Variants in TSPAN1 observed in about 807,000 individuals in gnomAD.
The protein encoded by TSPAN1 is tetraspanin-1.
In TSPAN1, 23 loss-of-function variants were observed where a neutral mutation model predicts 26.9. The observed-to-expected ratio is 0.85, with a 90% CI of 0.62 to 1.21. TSPAN1 has a LOEUF of 1.21. Among genes scored for constraint, TSPAN1 ranks in the 50% most tolerant of loss-of-function variants. TSPAN1 has a pLI of 0.00. For synonymous variants in TSPAN1, 115 were observed against 114.8 expected, an observed-to-expected ratio of 1.00 and a Z score of -0.01; for missense variants, 283 against 298.4, an observed-to-expected ratio of 0.95 and a Z score of 0.38.
chr1:46,176,333 G>A (rs1175928044), intron 1 of TSPAN1: 18 of 1,535,624 alleles, frequency 1.2e-5, no homozygotes, highest in East Asian at 2.4e-5. Flanking sequence ...GTTCGACCTC[G>A]GAGACCCTGT....
chr1:46,192,123 C>T, the TSPAN1 span: 3 of 1,614,148 alleles, frequency 1.9e-6, no homozygotes, highest in East Asian at 6.7e-5. Flanking sequence ...CATGTTGAGG[C>T]CGACGATGCC....
At chr1:46,190,479 A>C (rs1188550112), downstream of TSPAN1, 1 of 1,601,476 alleles carries the variant, frequency 6.2e-7, no homozygotes, top group Non-Finnish European at 8.6e-7. Context: ...ATACCTGAGC[A>C]GCCTGTGAAC....
intron 1 of TSPAN1, 62 bp downstream of exon 1, chr1:46,175,471 T>C: frequency 2.5e-6 from 1 of 397,378 alleles, no homozygotes; most frequent in East Asian, 3.6e-5. Context: ...AACACCTCTG[T>C]GTGGAATAAG....
At chr1:46,186,488 C>CT (rs751253861), downstream of TSPAN1, among the ~76,000 whole-genome samples, 2,852 of 130,058 alleles carry the variant, frequency 0.022, 75 homozygotes, top group African/African-American at 0.056. Context: ...CTTTTCTTTT[C>CT]TTTTTTTTTT....
chr1:46,179,143 C>G lies in TSPAN1; in HGVS notation c.-141-1383C>G, dbSNP rs181422572. Reference sequence around the variant, plus strand: ...TTCAAGACCAGCCTGGATAGCATAGCAAGACCTCATCTGTTTAAAAAAAAA... The same window carrying G: ...TTCAAGACCAGCCTGGATAGCATAGGAAGACCTCATCTGTTTAAAAAAAAA... On this transcript the variant is annotated intron_variant, in intron 1 of 8. Coordinates refer to ENST00000372003, the MANE Select transcript of TSPAN1 (RefSeq NM_005727.4). Among the ~76,000 whole-genome samples, 91 of 151,408 alleles carry G rather than the reference C, an allele frequency of 6.0e-4. 2 individuals carry two copies. In the East Asian group the frequency reaches 0.012, roughly 20 times the overall value.
chr1:46,179,888 G>T (rs190664503), intron 1 of TSPAN1, among the ~76,000 whole-genome samples: 1 of 152,144 alleles, frequency 6.6e-6, no homozygotes, highest in African/African-American at 2.4e-5. Flanking sequence ...TTTGCTACTC[G>T]CAGGAGAGAG....
chr1:46,179,001 C>T (rs1242946535), intron 1 of TSPAN1, among the ~76,000 whole-genome samples: 16 of 152,104 alleles, frequency 1.1e-4, no homozygotes, highest in Admixed American at 1.0e-3. Context: ...TCAGCTGCCT[C>T]CTTTCACTAT....
downstream of TSPAN1, among the ~76,000 whole-genome samples, chr1:46,186,723 G>A (rs1217924170): frequency 5.5e-5 from 8 of 144,206 alleles, no homozygotes; most frequent in African/African-American, 1.3e-4. Context: ...GTGCAGTGGC[G>A]CGATCTCGGC....
chr1:46,189,600 G>T (rs1413863946), downstream of TSPAN1: 1 of 1,591,578 alleles, frequency 6.3e-7, no homozygotes, highest in Non-Finnish European at 8.6e-7. Context: ...AGAGACATGG[G>T]TCAGAGAGCT....
In TSPAN1 at chr1:46,175,355, G is replaced by T; in HGVS notation, c.-196G>T. On this transcript the variant is annotated 5_prime_UTR_variant, in exon 1 of 9. Coordinates refer to ENST00000372003, the MANE Select transcript of TSPAN1 (RefSeq NM_005727.4). ...TGGTCTATGTTGCTGACCTTGTCCT[G>T]TCCTCCTGCTGTCTTAAACTATGAT... 2.7e-6 allele frequency: 1 copy of T among 374,978 alleles called. No homozygotes were observed. The highest frequency in any genetic ancestry group is 4.7e-6 in the Non-Finnish European group (1 of 211,708). 23.2% of individuals were successfully genotyped at this position (374,978 alleles called of 1,614,324 possible). A position where few individuals can be genotyped will look rare whatever the true frequency, so the allele number is the denominator to read the frequency against.
chr1:46,188,677 G>A, downstream of TSPAN1: 2 of 1,578,412 alleles, frequency 1.3e-6, no homozygotes, highest in Non-Finnish European at 1.7e-6. Context: ...ACAATCACAA[G>A]ACATCCCCAG....
At chr1:46,192,107 G>A in the TSPAN1 span, 6 of 1,613,784 alleles carry the variant, frequency 3.7e-6, no homozygotes, top group East Asian at 1.1e-4. Context: ...CGTGAAAGTA[G>A]CCATTCATGT....
At position 46,185,596 on chromosome 1, in the gene TSPAN1, G is replaced by A. The variant is rs1456976655; in HGVS notation, c.*63G>A. The A allele has an allele frequency of 2.9e-5, 45 of 1,573,546 alleles. No individual in the cohort carries two copies. Among genetic ancestry groups the A allele is most frequent in the Non-Finnish European group, 3.8e-5 (44 of 1,145,360 alleles). On this transcript the variant is annotated 3_prime_UTR_variant, in exon 9 of 9. Coordinates refer to ENST00000372003, the MANE Select transcript of TSPAN1 (RefSeq NM_005727.4). The stretch of plus-strand genomic sequence containing the variant: ...GAACTGTGAAGAGGCACCCTGGCAA[G>A]CAGCAGTGATTGGGGGAGGGGACAG...
At chr1:46,184,742 C>T (rs1657389710) in intron 5 of TSPAN1, 43 bp from the exon 6 acceptor site, 1 of 1,613,374 alleles carries the variant, frequency 6.2e-7, no homozygotes, top group Non-Finnish European at 8.5e-7. Context: ...TGTGAATGGC[C>T]ACCTTCTGTA....
chr1:46,190,345 G>T, downstream of TSPAN1: 2 of 1,296,692 alleles, frequency 1.5e-6, no homozygotes, highest in Non-Finnish European at 2.2e-6. Context: ...CGCCCGGCCT[G>T]AAGTTCCTAA....
At chr1:46,190,553 C>G, downstream of TSPAN1, 1 of 1,562,754 alleles carries the variant, frequency 6.4e-7, no homozygotes, top group Non-Finnish European at 8.8e-7. Flanking sequence ...GGGGAGTGGG[C>G]AGGCCCTCAG....
chr1:46,195,981 C>A, the TSPAN1 span: 4 of 1,614,108 alleles, frequency 2.5e-6, no homozygotes, highest in South Asian at 4.4e-5. Flanking sequence ...CCAGCTCCAG[C>A]CCTCTGGGTC....
intron 1 of TSPAN1, among the ~76,000 whole-genome samples, chr1:46,178,095 G>A (rs1288112223): frequency 6.6e-6 from 1 of 152,156 alleles, no homozygotes; most frequent in Non-Finnish European, 1.5e-5. Context: ...GGTGGCTCAC[G>A]CCTGTAATCC....
chr1:46,176,232 A>G, intron 1 of TSPAN1: 2 of 1,535,288 alleles, frequency 1.3e-6, no homozygotes, highest in Non-Finnish European at 8.7e-7. Context: ...GCTAACCTTG[A>G]GGTGGGAAGA....
Sources: allele counts gnomAD v4.1 joint callset (sites outside exome capture counted in the v4.1 genomes callset), GRCh38; gene constraint gnomAD v4.1.1; transcripts MANE v1.5; gene names NCBI Gene and HGNC (gene_info 2026-07-23, HGNC 2026-07-21).